SMYD3: variants seen among roughly 807,000 people sequenced by gnomAD.
SMYD3 encodes histone-lysine N-methyltransferase SMYD3.
SMYD3 carries 36 observed loss-of-function variants against 57.7 expected under a neutral mutation model. The observed-to-expected ratio is 0.62, with a 90% CI of 0.48 to 0.82. The LOEUF (loss-of-function observed/expected upper bound fraction) is 0.82. Ranked by LOEUF, SMYD3 falls within the 40% of genes least tolerant of loss-of-function variation. The probability of loss-of-function intolerance (pLI) is 0.00; values close to 1 mark genes in which losing one functional copy is unlikely to be tolerated. For synonymous variants in SMYD3, 211 were observed against 195.0 expected (o/e 1.08, Z -0.68); for missense variants, 515 against 538.8 (o/e 0.96, Z 0.44).
chr1:246,482,699 T>G (rs1461154279), intron 1 of SMYD3, among the ~76,000 whole-genome samples: 1 of 152,184 alleles, frequency 6.6e-6, no homozygotes, highest in Non-Finnish European at 1.5e-5. Context: ...ACATATAATT[T>G]TGGCCAATAA....
At chr1:246,187,006 C>A (rs536662243) in intron 5 of SMYD3, 4 of 874,722 alleles carry the variant, frequency 4.6e-6, no homozygotes, top group Non-Finnish European at 4.1e-6. Context: ...CACAAACATA[C>A]AAAGTAGGTG....
At chr1:245,893,759 A>G (rs200249166) in intron 8 of SMYD3, among the ~76,000 whole-genome samples, 5 of 151,700 alleles carry the variant, frequency 3.3e-5, no homozygotes, top group Admixed American at 1.3e-4. Flanking sequence ...CTCTATCTTG[A>G]TGGTGGTGGT....
chr1:245,761,998 TG>T (rs2045866229), intron 11 of SMYD3, among the ~76,000 whole-genome samples: 1 of 152,094 alleles, frequency 6.6e-6, no homozygotes, highest in Non-Finnish European at 1.5e-5. Flanking sequence ...TTGGCCAGAC[TG>T]GTCTTGAACC....
intron 5 of SMYD3, among the ~76,000 whole-genome samples, chr1:246,186,472 CT>C (rs886626337): frequency 4.7e-5 from 7 of 149,180 alleles, no homozygotes; most frequent in Non-Finnish European, 6.0e-5. Flanking sequence ...AAAACATGCT[CT>C]TTTTTTTTTA....
At chr1:246,375,331 T>A in intron 1 of SMYD3, among the ~76,000 whole-genome samples, 1 of 90,918 alleles carries the variant, frequency 1.1e-5, no homozygotes, top group South Asian at 3.8e-4. Context: ...GAGACTTTTT[T>A]TTTTTTTTTT....
chr1:246,444,098 A>G (rs1001700227), intron 1 of SMYD3, among the ~76,000 whole-genome samples: 1 of 150,924 alleles, frequency 6.6e-6, no homozygotes, highest in Non-Finnish European at 1.5e-5. Context: ...TCACTTTGCT[A>G]TCTTCAAATT....
intron 5 of SMYD3, among the ~76,000 whole-genome samples, chr1:245,957,162 G>T (rs1366203940): frequency 1.3e-5 from 2 of 152,150 alleles, no homozygotes; most frequent in Non-Finnish European, 2.9e-5. Flanking sequence ...CAAAAGTAAA[G>T]AGACGACTGC....
At chr1:246,118,351 G>A (rs529067986) in intron 5 of SMYD3, among the ~76,000 whole-genome samples, 25 of 152,164 alleles carry the variant, frequency 1.6e-4, no homozygotes, top group African/African-American at 5.3e-4. Flanking sequence ...CTGAAATCAC[G>A]GAAGACAGAA....
chr1:246,058,960 C>T (rs1433533208), intron 5 of SMYD3, among the ~76,000 whole-genome samples: 3 of 151,824 alleles, frequency 2.0e-5, no homozygotes, highest in African/African-American at 4.8e-5. Flanking sequence ...CTGCCAGCTC[C>T]GCCTCCCGGG....
chr1:245,871,937 C>G (rs978345296), intron 8 of SMYD3, among the ~76,000 whole-genome samples: 9 of 152,140 alleles, frequency 5.9e-5, no homozygotes, highest in Non-Finnish European at 1.2e-4. Flanking sequence ...AATCAACAAC[C>G]AACTATGCTG....
At position 245,917,419 on chromosome 1, in the gene SMYD3, T is replaced by C. The variant is rs530795355; in HGVS notation, c.703-1779A>G. On this transcript the variant is annotated intron_variant, in intron 7 of 11. Transcript: ENST00000490107. ...GAAAAGAAAAACTGGTCCTTCGTCATAGGTAGAGAAGCAATGGCTTCACAT... is the reference window on the plus strand; with the variant it reads ...GAAAAGAAAAACTGGTCCTTCGTCACAGGTAGAGAAGCAATGGCTTCACAT... 5.3e-5 allele frequency among the ~76,000 whole-genome samples: 8 copies of C among 152,332 alleles called. No homozygotes were observed. In the South Asian group the frequency reaches 6.2e-4, roughly 12 times the overall value.
chr1:246,415,318 G>C lies in SMYD3; in HGVS notation c.165-60224C>G, dbSNP rs148141095. Among the ~76,000 whole-genome samples the C allele has an allele frequency of 3.4e-3, 512 of 152,324 alleles. 2 individuals carry two copies. Among genetic ancestry groups the C allele is most frequent in the African/African-American group, 0.011 (440 of 41,582 alleles). On this transcript the variant is annotated intron_variant, in intron 1 of 11. Coordinates refer to ENST00000490107, the MANE Select transcript of SMYD3 (RefSeq NM_001167740.2). ...CCCAGAGATGCAAAGGGAAAGGCAA[G>C]TGTTGTGGGCTCACCCCCCACTTCT...
chr1:246,005,500 TA>T (rs2148170640), intron 5 of SMYD3, among the ~76,000 whole-genome samples: 1 of 152,310 alleles, frequency 6.6e-6, no homozygotes, highest in Admixed American at 6.5e-5. Context: ...CCTGTCTCTA[TA>T]AAGGGCTACC....
chr1:246,311,646 T>TACACACACGCGCACGCGCGC (rs1249120714), intron 5 of SMYD3, among the ~76,000 whole-genome samples: 4 of 152,184 alleles, frequency 2.6e-5, no homozygotes, highest in African/African-American at 9.7e-5. Context: ...GTGACACGCA[T>TACACACACGCGCACGCGCGC]ACACACACGC....
intron 5 of SMYD3, among the ~76,000 whole-genome samples, chr1:245,937,274 AT>A (rs1313875652): frequency 7.9e-5 from 12 of 152,186 alleles, no homozygotes; most frequent in Non-Finnish European, 1.6e-4. Context: ...TGTGCTTTCT[AT>A]TTTATCTCTC....
chr1:245,773,830 T>G (rs962899793), intron 10 of SMYD3, among the ~76,000 whole-genome samples: 1 of 152,202 alleles, frequency 6.6e-6, no homozygotes, highest in African/African-American at 2.4e-5. Flanking sequence ...AGTCTATCCT[T>G]GTGTGGGATA....
At chr1:246,357,790 C>G (rs1332563772) in intron 1 of SMYD3, among the ~76,000 whole-genome samples, 7 of 152,180 alleles carry the variant, frequency 4.6e-5, no homozygotes, top group Non-Finnish European at 7.3e-5. Context: ...CAAGCCAGCA[C>G]TACAAGAACT....
intron 7 of SMYD3, among the ~76,000 whole-genome samples, chr1:245,925,296 G>A (rs556538668): frequency 1.3e-5 from 2 of 152,282 alleles, no homozygotes; most frequent in African/African-American, 2.4e-5. Flanking sequence ...TCAAGTGATG[G>A]TATTTAGGTT....
intron 1 of SMYD3, among the ~76,000 whole-genome samples, chr1:246,467,000 T>C (rs937697463): frequency 1.3e-5 from 2 of 150,686 alleles, no homozygotes; most frequent in Admixed American, 1.3e-4. Context: ...AAACCTCATC[T>C]CTACTAAAAA....
Sources: allele counts gnomAD v4.1 joint callset (sites outside exome capture counted in the v4.1 genomes callset), GRCh38; gene constraint gnomAD v4.1.1; transcripts MANE v1.5; gene names NCBI Gene and HGNC (gene_info 2026-07-23, HGNC 2026-07-21).